DCAKD: variants seen among roughly 807,000 people sequenced by gnomAD.
DCAKD encodes dephospho-CoA kinase domain containing.
DCAKD carries 15 observed loss-of-function variants against 18.7 expected under a neutral mutation model. The observed-to-expected ratio is 0.80, with a 90% confidence interval of 0.54 to 1.24. The LOEUF is 1.24. Among genes scored for constraint, DCAKD ranks in the 50% most tolerant of loss-of-function variants. The pLI is 0.00. For synonymous variants in DCAKD, 130 were observed against 133.0 expected (o/e 0.98, Z 0.16); for missense variants, 301 against 322.0 (o/e 0.93, Z 0.50).
At chr17:45,057,298 CT>C (rs1376313721) in intron 1 of DCAKD, among the ~76,000 whole-genome samples, 1 of 152,048 alleles carries the variant, frequency 6.6e-6, no homozygotes, top group Non-Finnish European at 1.5e-5. Flanking sequence ...CCATCTCAGC[CT>C]CCCAAAGTGT....
At chr17:45,059,482 G>A (rs1674601896) in intron 1 of DCAKD, among the ~76,000 whole-genome samples, 2 of 152,118 alleles carry the variant, frequency 1.3e-5, no homozygotes, top group African/African-American at 4.8e-5. Context: ...CCAAGAATGG[G>A]AACCATGTCT....
At chr17:45,032,102 C>T in intron 3 of DCAKD, 1 of 985,374 alleles carries the variant, frequency 1.0e-6, no homozygotes, top group Non-Finnish European at 1.2e-6. Context: ...CGCCTCGAAG[C>T]CCTGCAGATA....
At chr17:45,031,819 A>G in intron 3 of DCAKD, 1 of 985,464 alleles carries the variant, frequency 1.0e-6, no homozygotes, top group Non-Finnish European at 1.2e-6. Flanking sequence ...CTGCCTACAC[A>G]GAGAAGTCCC....
chr17:45,047,832 G>GCGA, intron 1 of DCAKD, among the ~76,000 whole-genome samples: 1 of 151,984 alleles, frequency 6.6e-6, no homozygotes, highest in Non-Finnish European at 1.5e-5. Flanking sequence ...CTGAGCTCAA[G>GCGA]TAATCTGCCT....
At chr17:45,030,894 G>A (rs932701307) in intron 3 of DCAKD, 1 of 827,208 alleles carries the variant, frequency 1.2e-6, no homozygotes, top group Non-Finnish European at 1.5e-6. Flanking sequence ...GGCACTGGCT[G>A]GACCTCCCAC....
At chr17:45,043,342 T>A (rs1422054557) in intron 1 of DCAKD, among the ~76,000 whole-genome samples, 2 of 152,042 alleles carry the variant, frequency 1.3e-5, no homozygotes, top group Non-Finnish European at 2.9e-5. Context: ...AGTCACCTCA[T>A]CTTCCCCAAC....
intron 3 of DCAKD, chr17:45,032,128 T>C: frequency 1.0e-6 from 1 of 985,310 alleles, no homozygotes. Context: ...GTAACTGGCA[T>C]GGGAGAGAAT....
intron 1 of DCAKD, among the ~76,000 whole-genome samples, chr17:45,057,421 G>A (rs1382880971): frequency 6.6e-6 from 1 of 151,950 alleles, no homozygotes; most frequent in African/African-American, 2.4e-5. Flanking sequence ...GAAAGCTCTC[G>A]GCTGGGCGCA....
chr17:45,034,728 TGG>T (rs1226203895), intron 2 of DCAKD, 44 bp downstream of exon 2: 1 of 1,592,422 alleles, frequency 6.3e-7, no homozygotes, highest in Non-Finnish European at 8.6e-7. Context: ...GCCGGAAGCG[TGG>T]GGAGCTGCTG....
At chr17:45,041,733 C>A (rs145479215) in intron 1 of DCAKD, among the ~76,000 whole-genome samples, 3 of 151,662 alleles carry the variant, frequency 2.0e-5, no homozygotes, top group African/African-American at 7.3e-5. Context: ...ACACCAGGCA[C>A]GAGAAGGGGT....
Position 45,024,481 on chromosome 17 carries a change from A to G in DCAKD, c.648T>C (p.Ile216=), listed in dbSNP as rs768183815. The G allele has an allele frequency of 1.9e-5, 31 of 1,613,146 alleles. No individual in the cohort carries two copies. The Admixed American group carries it at 5.2e-4, about 27-fold the overall frequency. Residue 216 remains isoleucine (I), a synonymous_variant, in exon 5 of 5, where the codon ATT becomes ATC. Transcript: ENST00000651974. Reference sequence around the variant, plus strand: ...GGGTGAGCAGGTAGAGGAGGCTGGCAATGGCAGCGAGCCCTGTGAGGACCC... The same window carrying G: ...GGGTGAGCAGGTAGAGGAGGCTGGCGATGGCAGCGAGCCCTGTGAGGACCC... ...RFGVLTGLAA[I]ASLLYLLTHY...
At chr17:45,040,892 CAAG>C (rs1346614435) in intron 1 of DCAKD, among the ~76,000 whole-genome samples, 3 of 152,092 alleles carry the variant, frequency 2.0e-5, no homozygotes, top group Non-Finnish European at 2.9e-5. Flanking sequence ...CCAGTAGCCC[CAAG>C]AAGAATAAAT....
chr17:45,042,204 C>T (rs1270039988), intron 1 of DCAKD, among the ~76,000 whole-genome samples: 3 of 152,154 alleles, frequency 2.0e-5, no homozygotes, highest in Non-Finnish European at 2.9e-5. Context: ...GAGCCTCATC[C>T]AATCCCCCAA....
At chr17:45,047,905 T>A (rs1314897676) in intron 1 of DCAKD, among the ~76,000 whole-genome samples, 1 of 152,156 alleles carries the variant, frequency 6.6e-6, no homozygotes, top group African/African-American at 2.4e-5. Context: ...CCACTTAGCT[T>A]ATTAAGAGAA....
chr17:45,057,939 A>G (rs892867003), intron 1 of DCAKD, among the ~76,000 whole-genome samples: 1 of 145,782 alleles, frequency 6.9e-6, no homozygotes, highest in Admixed American at 7.1e-5. Context: ...TAAACCTGGA[A>G]GGCAGAGGTT....
rs2053245883 is a variant in DCAKD, at chr17:45,034,509, G to A, written c.113-119C>T. 2.6e-6 allele frequency: 3 copies of A among 1,157,264 alleles called. No homozygotes were observed. The Admixed American group carries it at 6.5e-5, about 25-fold the overall frequency. The allele number at this position is 1,157,264 out of a possible 1,614,324, so 71.7% of individuals were successfully genotyped here. Reference sequence around the variant, plus strand: ...GGTGCTTCTTTCAGGTGGAGCAAAAGCAAAATGAGGGTAGAGAAAGCAGTG... The same window carrying A: ...GGTGCTTCTTTCAGGTGGAGCAAAAACAAAATGAGGGTAGAGAAAGCAGTG... On this transcript the variant is annotated intron_variant, in intron 2 of 4. Transcript: ENST00000651974.
At chr17:45,052,653 G>A (rs1479089875), upstream of DCAKD, among the ~76,000 whole-genome samples, 1 of 149,462 alleles carries the variant, frequency 6.7e-6, no homozygotes, top group Non-Finnish European at 1.5e-5. Context: ...CCAGGAGTTC[G>A]AGACCAGCCT....
upstream of DCAKD, among the ~76,000 whole-genome samples, chr17:45,052,432 C>T (rs1407439440): frequency 1.3e-5 from 2 of 152,082 alleles, no homozygotes; most frequent in East Asian, 1.9e-4. Context: ...CTATGTTTAG[C>T]GGTTAATCCA....
At chr17:45,027,990 T>TA (rs573749050) in intron 4 of DCAKD, among the ~76,000 whole-genome samples, 170 of 115,442 alleles carry the variant, frequency 1.5e-3, no homozygotes, top group South Asian at 0.011. Flanking sequence ...CATCTCAATT[T>TA]AAAAAAAAAA....
Sources: gnomAD v4.1 joint callset for allele counts (sites outside exome capture counted in the v4.1 genomes callset) on GRCh38, gnomAD v4.1.1 for gene constraint, MANE v1.5 for transcripts, NCBI Gene and HGNC (gene_info 2026-07-23, HGNC 2026-07-21) for gene names.